The following HIVEP3 variants were observed in gnomAD, a reference collection of about 807,000 sequenced individuals.
HIVEP3 encodes the protein transcription factor HIVEP3.
Under a neutral mutation model 152.8 loss-of-function variants are expected in HIVEP3, and 49 were observed. The observed-to-expected ratio is 0.32, with a 90% CI of 0.26 to 0.41. The LOEUF is 0.41. Ranked by LOEUF, HIVEP3 falls within the 10% of genes least tolerant of loss-of-function variation. HIVEP3 has a pLI of 1.00. For missense variants in HIVEP3, 2,790 were observed against 3,103.3 expected (o/e 0.90, Z 2.40); for synonymous variants, 1,269 against 1,289.0 (o/e 0.98, Z 0.33).
chr1:41,659,598 C>T (rs1046330429), intron 2 of HIVEP3, among the ~76,000 whole-genome samples: 2 of 152,212 alleles, frequency 1.3e-5, no homozygotes, highest in African/African-American at 2.4e-5. Flanking sequence ...GCTATTGACC[C>T]TCTCCTCTAT....
At chr1:41,559,401 A>C (rs1206110430) in intron 5 of HIVEP3, among the ~76,000 whole-genome samples, 2 of 152,200 alleles carry the variant, frequency 1.3e-5, no homozygotes, top group Non-Finnish European at 2.9e-5. Context: ...TGAATTCATC[A>C]GTGTGTATTT....
At chr1:42,027,267 C>T (rs1280654983) in intron 1 of HIVEP3, among the ~76,000 whole-genome samples, 2 of 152,168 alleles carry the variant, frequency 1.3e-5, no homozygotes, top group African/African-American at 4.8e-5. Flanking sequence ...AACTTGTCCA[C>T]TTCTTACCAT....
intron 1 of HIVEP3, among the ~76,000 whole-genome samples, chr1:41,933,225 T>C (rs1275545508): frequency 3.3e-5 from 5 of 152,146 alleles, no homozygotes; most frequent in African/African-American, 9.6e-5. Flanking sequence ...GATGATTTTC[T>C]TTCCATTTGT....
At chr1:41,686,034 G>A (rs1646109173) in intron 2 of HIVEP3, among the ~76,000 whole-genome samples, 1 of 152,024 alleles carries the variant, frequency 6.6e-6, no homozygotes. Flanking sequence ...GTTCTAGACT[G>A]TGGTTTTTTT....
At chr1:41,670,626 T>C (rs1645861087) in intron 2 of HIVEP3, among the ~76,000 whole-genome samples, 2 of 152,182 alleles carry the variant, frequency 1.3e-5, no homozygotes, top group Non-Finnish European at 1.5e-5. Context: ...GTATGGACTA[T>C]GGCAACAAGG....
chr1:41,587,333 T>G (rs1021357557), intron 3 of HIVEP3, among the ~76,000 whole-genome samples: 2 of 152,228 alleles, frequency 1.3e-5, no homozygotes, highest in Non-Finnish European at 2.9e-5. Context: ...AAAGGCCTCC[T>G]GTGACTTGTA....
rs775177468 is a variant in HIVEP3 at position 41,579,900 on chromosome 1, C to T, written c.4898G>A (p.Ser1633Asn). 20 of 1,614,216 alleles carry T rather than the reference C, an allele frequency of 1.2e-5. No homozygotes were observed. Among genetic ancestry groups the T allele is most frequent in the Non-Finnish European group, 1.5e-5 (18 of 1,180,034 alleles). ...RSSVYAGWCI[S>N]LYNPNLPGVS... ...CCCCGGAAGGTTGGGGTTGTACAAA[C>T]TTATGCACCAACCAGCGTAAACAGA... Residue 1633 changes from serine (S) to asparagine (N), a missense_variant, in exon 4 of 9, where the codon AGT becomes AAT. By Grantham distance (46) the Ser-to-Asn change is conservative (BLOSUM62 1). Coordinates refer to ENST00000372583, the MANE Select transcript of HIVEP3 (RefSeq NM_024503.5).
chr1:41,725,932 T>G (rs1261822883), intron 1 of HIVEP3, among the ~76,000 whole-genome samples: 1 of 152,182 alleles, frequency 6.6e-6, no homozygotes, highest in African/African-American at 2.4e-5. Flanking sequence ...TAAAAGATAA[T>G]TTTGTTTTTG....
At chr1:41,621,861 C>T (rs918414282) in intron 3 of HIVEP3, among the ~76,000 whole-genome samples, 7 of 152,170 alleles carry the variant, frequency 4.6e-5, no homozygotes, top group African/African-American at 1.7e-4. Context: ...GGAAAGACTT[C>T]CTGACCTCCC....
Position 41,636,868 on chromosome 1 carries a change from A to T in HIVEP3, c.-720-7921T>A, listed in dbSNP as rs547518313. Among the ~76,000 whole-genome samples the T allele has an allele frequency of 1.2e-4, 18 of 151,780 alleles. No homozygotes were observed. In the East Asian group the frequency reaches 3.1e-3, roughly 26 times the overall value. ...CAGCTACTTGGGAGGCTGAGGCAGG[A>T]GAATCGCTTGAAACCGGGAGGCAGA... On this transcript the variant is annotated intron_variant, in intron 2 of 8. Transcript: ENST00000372583.
At chr1:41,778,487 C>T (rs1648847878) in intron 1 of HIVEP3, among the ~76,000 whole-genome samples, 1 of 152,196 alleles carries the variant, frequency 6.6e-6, no homozygotes, top group Non-Finnish European at 1.5e-5. Flanking sequence ...AGCTGGGACT[C>T]ACTGGTCCCC....
At chr1:41,926,646 T>C (rs924239167) in intron 1 of HIVEP3, among the ~76,000 whole-genome samples, 3 of 152,294 alleles carry the variant, frequency 2.0e-5, no homozygotes, top group African/African-American at 7.2e-5. Context: ...TTCCAGTCAC[T>C]GTGCTGGGAA....
At chr1:42,004,537 G>A (rs767199407) in intron 1 of HIVEP3, among the ~76,000 whole-genome samples, 1 of 152,120 alleles carries the variant, frequency 6.6e-6, no homozygotes, top group Non-Finnish European at 1.5e-5. Context: ...TGCTTGGAAG[G>A]CAAAGGGTCA....
At chr1:41,577,361 G>A (rs1644341832) in intron 4 of HIVEP3, among the ~76,000 whole-genome samples, 1 of 152,272 alleles carries the variant, frequency 6.6e-6, no homozygotes, top group South Asian at 2.1e-4. Flanking sequence ...ATGAAACTAA[G>A]GCTCAGAGAG....
intron 2 of HIVEP3, among the ~76,000 whole-genome samples, chr1:41,657,631 C>G (rs1337178041): frequency 3.9e-5 from 6 of 152,190 alleles, no homozygotes; most frequent in Non-Finnish European, 8.8e-5. Flanking sequence ...GGTTCACCTA[C>G]TAAGTGCCAG....
chr1:41,613,952 C>T (rs1383315129), intron 3 of HIVEP3, among the ~76,000 whole-genome samples: 4 of 152,328 alleles, frequency 2.6e-5, no homozygotes, highest in South Asian at 2.1e-4. Flanking sequence ...CTTAGCATAA[C>T]GTTTTTCATC....
chr1:41,796,569 AAGGAG>A (rs1366787810), intron 1 of HIVEP3, among the ~76,000 whole-genome samples: 3 of 152,254 alleles, frequency 2.0e-5, no homozygotes, highest in African/African-American at 7.2e-5. Context: ...ATGAGTGGGT[AAGGAG>A]AGGAGTTTGG....
Position 41,553,551 on chromosome 1 carries a change from G to A in HIVEP3, c.5207+21993C>T, listed in dbSNP as rs1214874249. 2.0e-5 allele frequency among the ~76,000 whole-genome samples: 3 copies of A among 152,212 alleles called. No homozygotes were observed. In the East Asian group the frequency reaches 5.8e-4, roughly 29 times the overall value. ...ATTTGATCCTGTCATTATGATATTA[G>A]CTGGTTATTTTGCCTGTTAGTTGAT... On this transcript the variant is annotated intron_variant, in intron 5 of 8. Transcript: ENST00000372583.
chr1:41,527,021 A>C (rs1336563201), intron 5 of HIVEP3, among the ~76,000 whole-genome samples: 44 of 19,450 alleles, frequency 2.3e-3, no homozygotes, highest in Non-Finnish European at 2.7e-3. Flanking sequence ...ACACCCCCAC[A>C]CTCACCCCCC....
Sources: gnomAD v4.1 joint callset for allele counts (sites outside exome capture counted in the v4.1 genomes callset) on GRCh38, gnomAD v4.1.1 for gene constraint, MANE v1.5 for transcripts, NCBI Gene and HGNC (gene_info 2026-07-23, HGNC 2026-07-21) for gene names.